The following ADGRG7 variants were observed in gnomAD, a reference collection of about 807,000 sequenced individuals.
The protein encoded by ADGRG7 is G-protein coupled receptor 128.
ADGRG7 carries 82 observed loss-of-function variants against 88.6 expected under a neutral mutation model. That is an observed-to-expected ratio of 0.93 (90% confidence interval 0.77 to 1.11). The LOEUF (loss-of-function observed/expected upper bound fraction) is 1.11. Among genes scored for constraint, ADGRG7 ranks in the 50% most tolerant of loss-of-function variants. The probability of loss-of-function intolerance (pLI) is 0.00; values close to 1 mark genes in which losing one functional copy is unlikely to be tolerated. For missense variants in ADGRG7, 945 were observed against 953.4 expected (o/e 0.99, Z 0.12); for synonymous variants, 381 against 345.2 (o/e 1.10, Z -1.15).
intron 14 of ADGRG7, among the ~76,000 whole-genome samples, chr3:100,667,179 A>AT (rs889230142): frequency 4.0e-5 from 6 of 151,450 alleles, no homozygotes; most frequent in African/African-American, 1.2e-4. Context: ...CACCTGGTTA[A>AT]TTTTTTTTTT....
chr3:100,630,300 AT>A (rs1253726557), intron 2 of ADGRG7, among the ~76,000 whole-genome samples: 1 of 152,148 alleles, frequency 6.6e-6, no homozygotes, highest in Non-Finnish European at 1.5e-5. Context: ...ATCCACTGCT[AT>A]CATTTCCTAT....
intron 11 of ADGRG7, 58 bp downstream of exon 11, chr3:100,649,865 T>G (rs2094926637): frequency 2.1e-6 from 2 of 948,688 alleles, no homozygotes; most frequent in East Asian, 4.9e-5. Context: ...TATAATTTAC[T>G]CTGAGAATTC....
intron 15 of ADGRG7, among the ~76,000 whole-genome samples, chr3:100,688,295 C>T (rs2094986800): frequency 6.6e-6 from 1 of 152,122 alleles, no homozygotes; most frequent in Non-Finnish European, 1.5e-5. Context: ...TGCTAGTGGT[C>T]TATCAATTTT....
intron 15 of ADGRG7, among the ~76,000 whole-genome samples, chr3:100,674,071 T>C (rs1301766977): frequency 6.6e-6 from 1 of 152,246 alleles, no homozygotes; most frequent in African/African-American, 2.4e-5. Flanking sequence ...TCCCAAAGAT[T>C]TGGGTACATT....
chr3:100,611,864 C>T (rs759005840), intron 1 of ADGRG7, among the ~76,000 whole-genome samples: 29 of 152,228 alleles, frequency 1.9e-4, no homozygotes, highest in East Asian at 5.8e-4. Context: ...CTTCACTCCA[C>T]TCCACTCTAC....
At position 100,695,037 on chromosome 3, in the gene ADGRG7, C is replaced by T. The variant is rs2095000075; in HGVS notation, c.*36C>T. On this transcript the variant is annotated 3_prime_UTR_variant, in exon 16 of 16. Coordinates refer to ENST00000273352, the MANE Select transcript of ADGRG7 (RefSeq NM_032787.3). ...TTACCTGTTGTGGTCTTTTTAATCA[C>T]CTCGTTTGAGTTTTATCTGTTTCTC... The T allele has an allele frequency of 1.2e-5, 19 of 1,589,642 alleles. No individual in the cohort carries two copies. The highest frequency in any genetic ancestry group is 1.5e-5 in the Non-Finnish European group (18 of 1,166,226).
chr3:100,679,807 A>T (rs1350738941), intron 15 of ADGRG7, among the ~76,000 whole-genome samples: 1 of 152,160 alleles, frequency 6.6e-6, no homozygotes, highest in East Asian at 1.9e-4. Context: ...ACCATGATTG[A>T]TACAGACAGT....
intron 1 of ADGRG7, among the ~76,000 whole-genome samples, chr3:100,610,749 C>A (rs1707135551): frequency 6.6e-6 from 1 of 152,194 alleles, no homozygotes; most frequent in Admixed American, 6.5e-5. Flanking sequence ...CTACATACTC[C>A]CTTTCGTGAA....
chr3:100,659,032 A>G (rs1198716885), intron 13 of ADGRG7, among the ~76,000 whole-genome samples: 1 of 152,172 alleles, frequency 6.6e-6, no homozygotes, highest in African/African-American at 2.4e-5. Context: ...AACCACCACC[A>G]CCAAAAAACA....
chr3:100,690,068 C>A (rs373436269), intron 15 of ADGRG7, among the ~76,000 whole-genome samples: 1 of 152,128 alleles, frequency 6.6e-6, no homozygotes, highest in Non-Finnish European at 1.5e-5. Context: ...AGGCTTTGTT[C>A]GTTTCTTTTT....
intron 1 of ADGRG7, among the ~76,000 whole-genome samples, chr3:100,612,242 T>G (rs1707164944): frequency 6.6e-6 from 1 of 152,192 alleles, no homozygotes; most frequent in Non-Finnish European, 1.5e-5. Flanking sequence ...AATTCTGCTC[T>G]GAGTAAATTT....
At chr3:100,611,239 TTG>T (rs1707144313) in intron 1 of ADGRG7, among the ~76,000 whole-genome samples, 2 of 126,546 alleles carry the variant, frequency 1.6e-5, no homozygotes, top group African/African-American at 2.7e-5. Context: ...TTTTGTTTGT[TTG>T]TTTTTCCTTC....
intron 15 of ADGRG7, among the ~76,000 whole-genome samples, chr3:100,686,818 C>T (rs1343633543): frequency 6.6e-6 from 1 of 152,172 alleles, no homozygotes; most frequent in Non-Finnish European, 1.5e-5. Context: ...ATGATGCCTC[C>T]AGCTTTGTTC....
chr3:100,655,786 G>GT, intron 12 of ADGRG7, 113 bp from the exon 13 acceptor site: 1 of 675,476 alleles, frequency 1.5e-6, no homozygotes, highest in South Asian at 2.1e-5. Flanking sequence ...ATTGTCCATA[G>GT]TGAAAACAAC....
Position 100,693,685 on chromosome 3 carries a change from A to T in ADGRG7, c.2137-1059A>T, listed in dbSNP as rs115045850. Reference sequence around the variant, plus strand: ...AAAAATACCTTTTCATTTTGAAATGATTTAATAAAAAATTTTGGAAAAATA... The same window carrying T: ...AAAAATACCTTTTCATTTTGAAATGTTTTAATAAAAAATTTTGGAAAAATA... On this transcript the variant is annotated intron_variant, in intron 15 of 15. Coordinates refer to ENST00000273352, the MANE Select transcript of ADGRG7 (RefSeq NM_032787.3). 3.4e-3 allele frequency among the ~76,000 whole-genome samples: 519 copies of T among 152,316 alleles called. 5 individuals carry two copies. Among genetic ancestry groups the T allele is most frequent in the Non-Finnish European group, 5.0e-3 (341 of 68,026 alleles).
At chr3:100,683,727 C>A (rs748363378) in intron 15 of ADGRG7, among the ~76,000 whole-genome samples, 33 of 152,208 alleles carry the variant, frequency 2.2e-4, no homozygotes, top group Admixed American at 7.2e-4. Flanking sequence ...GCAAAGGTGC[C>A]ACTGGCCACA....
At chr3:100,693,633 G>C (rs1289940873) in intron 15 of ADGRG7, among the ~76,000 whole-genome samples, 1 of 152,108 alleles carries the variant, frequency 6.6e-6, no homozygotes, top group African/African-American at 2.4e-5. Context: ...ATGCTAATGT[G>C]GGAGACATCC....
At chr3:100,623,774 T>G (rs1707345079) in intron 1 of ADGRG7, among the ~76,000 whole-genome samples, 1 of 152,096 alleles carries the variant, frequency 6.6e-6, no homozygotes, top group Non-Finnish European at 1.5e-5. Context: ...TTGTTCAACT[T>G]CCACATATAA....
intron 10 of ADGRG7, among the ~76,000 whole-genome samples, chr3:100,647,935 T>C (rs1707783123): frequency 6.6e-6 from 1 of 152,184 alleles, no homozygotes; most frequent in Admixed American, 6.5e-5. Flanking sequence ...CACAGAACCT[T>C]GCTTTTTAAA....
Sources: gnomAD v4.1 joint callset for allele counts (sites outside exome capture counted in the v4.1 genomes callset) on GRCh38, gnomAD v4.1.1 for gene constraint, MANE v1.5 for transcripts, NCBI Gene and HGNC (gene_info 2026-07-23, HGNC 2026-07-21) for gene names.